SNX4: variants seen among roughly 807,000 people sequenced by gnomAD.
SNX4 encodes the protein sorting nexin 4, also known as sorting nexin-4.
In SNX4, 49 loss-of-function variants were observed where a neutral mutation model predicts 70.8. The observed-to-expected ratio is 0.69, with a 90% CI of 0.55 to 0.88. The LOEUF (loss-of-function observed/expected upper bound fraction) is 0.88. Ranked by LOEUF, SNX4 falls within the 40% of genes least tolerant of loss-of-function variation. The pLI, the probability that SNX4 is intolerant of heterozygous loss-of-function variation, is 0.00. For missense variants in SNX4, 528 were observed against 544.8 expected, an observed-to-expected ratio of 0.97 and a Z score of 0.31; for synonymous variants, 206 against 183.8, an observed-to-expected ratio of 1.12 and a Z score of -0.98.
At chr3:125,470,173 CAT>C (rs1352477036) in intron 8 of SNX4, among the ~76,000 whole-genome samples, 2 of 152,078 alleles carry the variant, frequency 1.3e-5, no homozygotes, top group Non-Finnish European at 2.9e-5. Context: ...CAAGAGATAA[CAT>C]AATTTGATAC....
chr3:125,477,928 G>T (rs1211438839), intron 7 of SNX4, among the ~76,000 whole-genome samples: 1 of 151,984 alleles, frequency 6.6e-6, no homozygotes, highest in African/African-American at 2.4e-5. Flanking sequence ...CAAGATGCTG[G>T]CCCCTACATT....
rs1030290170 is a variant in SNX4 at position 125,452,324 on chromosome 3, G to A, written c.1191-905C>T. 2.0e-5 allele frequency among the ~76,000 whole-genome samples: 3 copies of A among 152,098 alleles called. 1 individual carries two copies. Among genetic ancestry groups the A allele is most frequent in the Admixed American group, 1.3e-4 (2 of 15,252 alleles). On this transcript the variant is annotated intron_variant, in intron 12 of 13. Transcript: ENST00000251775. ...TTGGCCAGGCTGGTCTTGAACTTCC[G>A]ACCTCAGGCAATCCACTCTCCTAGG...
intron 8 of SNX4, among the ~76,000 whole-genome samples, chr3:125,476,086 T>C (rs1264037751): frequency 1.3e-5 from 2 of 150,802 alleles, no homozygotes; most frequent in African/African-American, 4.9e-5. Flanking sequence ...GTCAACATGG[T>C]GAAATCCCAT....
intron 11 of SNX4, 59 bp from the exon 12 acceptor site, chr3:125,454,014 A>G: frequency 1.4e-6 from 2 of 1,395,178 alleles, no homozygotes; most frequent in East Asian, 2.3e-5. Flanking sequence ...ACATACACAT[A>G]CAATGGAACA....
chr3:125,480,438 GC>G, intron 6 of SNX4, 119 bp from the exon 7 acceptor site: 1 of 425,494 alleles, frequency 2.4e-6, no homozygotes, highest in Non-Finnish European at 4.2e-6. Context: ...CCATATGCTG[GC>G]CTTAAACATT....
At chr3:125,478,500 G>A (rs1934336274) in intron 7 of SNX4, among the ~76,000 whole-genome samples, 1 of 151,210 alleles carries the variant, frequency 6.6e-6, no homozygotes, top group African/African-American at 2.4e-5. Flanking sequence ...TTTTTCTGTA[G>A]GACCTTTTAG....
chr3:125,465,736 G>A (rs566063582), intron 9 of SNX4, among the ~76,000 whole-genome samples: 3 of 151,836 alleles, frequency 2.0e-5, no homozygotes, highest in East Asian at 1.9e-4. Flanking sequence ...TCTGCCTCCC[G>A]AGTTCAAGTG....
At chr3:125,487,794 G>C (rs778697589) in intron 6 of SNX4, among the ~76,000 whole-genome samples, 4 of 151,326 alleles carry the variant, frequency 2.6e-5, no homozygotes, top group Middle Eastern at 6.9e-3. Context: ...ATAATAAAAA[G>C]ATCAGTGATT....
chr3:125,506,268 ACAT>A (rs923834943), intron 1 of SNX4, among the ~76,000 whole-genome samples: 5 of 152,290 alleles, frequency 3.3e-5, no homozygotes, highest in Admixed American at 2.0e-4. Flanking sequence ...GGGAAAAAAT[ACAT>A]CAACAGAAAC....
At chr3:125,451,161 T>G in intron 13 of SNX4, 144 bp downstream of exon 13, 1 of 445,514 alleles carries the variant, frequency 2.2e-6, no homozygotes, top group Non-Finnish European at 4.0e-6. Flanking sequence ...AAAACAGAAA[T>G]CCTACAAAAT....
chr3:125,510,620 G>GAT (rs1382868080), intron 1 of SNX4, among the ~76,000 whole-genome samples: 12 of 152,102 alleles, frequency 7.9e-5, no homozygotes, highest in Admixed American at 5.9e-4. Context: ...CTACAACATG[G>GAT]ATATATATAT....
At chr3:125,461,391 A>G (rs1289189061) in intron 9 of SNX4, among the ~76,000 whole-genome samples, 3 of 152,222 alleles carry the variant, frequency 2.0e-5, no homozygotes, top group Admixed American at 6.5e-5. Flanking sequence ...GAATTTTACC[A>G]AAATGTTTTG....
intron 8 of SNX4, among the ~76,000 whole-genome samples, chr3:125,475,156 C>G (rs1934262319): frequency 6.6e-6 from 1 of 152,144 alleles, no homozygotes; most frequent in Non-Finnish European, 1.5e-5. Flanking sequence ...TAACCTTGAT[C>G]TGTCTCAACT....
chr3:125,487,801 G>A (rs745509867), intron 6 of SNX4, among the ~76,000 whole-genome samples: 7 of 151,718 alleles, frequency 4.6e-5, no homozygotes, highest in Non-Finnish European at 8.8e-5. Context: ...AAAGATCAGT[G>A]ATTCCCAGGG....
At chr3:125,459,969 G>A (rs1579976164) in intron 10 of SNX4, among the ~76,000 whole-genome samples, 1 of 151,658 alleles carries the variant, frequency 6.6e-6, no homozygotes, top group Non-Finnish European at 1.5e-5. Flanking sequence ...GAGGCGGGTG[G>A]ATTACCCGAG....
chr3:125,473,266 TA>T (rs1410997908), intron 8 of SNX4, among the ~76,000 whole-genome samples: 1 of 152,228 alleles, frequency 6.6e-6, no homozygotes, highest in Admixed American at 6.5e-5. Flanking sequence ...CTTAAAAGAC[TA>T]ATCAATAACT....
chr3:125,504,371 G>A (rs962574081), intron 2 of SNX4, among the ~76,000 whole-genome samples: 4 of 145,968 alleles, frequency 2.7e-5, no homozygotes, highest in South Asian at 4.4e-4. Flanking sequence ...GGTGGCTCAC[G>A]CCTGTATGCC....
intron 1 of SNX4, among the ~76,000 whole-genome samples, chr3:125,514,160 T>C (rs933649393): frequency 2.6e-5 from 4 of 152,126 alleles, no homozygotes; most frequent in African/African-American, 7.2e-5. Context: ...CATATGAATT[T>C]TGGGGAGACA....
chr3:125,476,726 T>TA lies in SNX4; in HGVS notation c.756dup (p.Lys253Ter), dbSNP rs763131430. On this transcript the variant is annotated frameshift_variant, in exon 8 of 14. Transcript: ENST00000251775. LOFTEE classifies it high-confidence loss of function. ...ACTCGACCATAATTCCCATGTACTTTATATACACCATAGAGTCGATCTGCT... is the reference window on the plus strand; with the variant it reads ...ACTCGACCATAATTCCCATGTACTTTAATATACACCATAGAGTCGATCTGCT... 2.5e-5 allele frequency: 40 copies of TA among 1,600,122 alleles called. No individual in the cohort carries two copies. The highest frequency in any genetic ancestry group is 3.0e-5 in the Non-Finnish European group (35 of 1,169,928).
Sources: gnomAD v4.1 joint callset for allele counts (sites outside exome capture counted in the v4.1 genomes callset) on GRCh38, gnomAD v4.1.1 for gene constraint, MANE v1.5 for transcripts, NCBI Gene and HGNC (gene_info 2026-07-23, HGNC 2026-07-21) for gene names.